Variants in PCDHA3 observed in about 807,000 individuals in gnomAD.
The protein encoded by PCDHA3 is protocadherin alpha 3.
PCDHA3 carries 41 observed loss-of-function variants against 62.2 expected under a neutral mutation model. The ratio of observed to expected loss-of-function variants is 0.66; its 90% CI spans 0.51 to 0.86. PCDHA3 has a LOEUF of 0.86. PCDHA3 is among the 40% of genes least tolerant of loss of function. The pLI is 0.00. For synonymous variants in PCDHA3, 640 were observed against 555.4 expected (o/e 1.15, Z -2.14); for missense variants, 1,304 against 1,241.2 (o/e 1.05, Z -0.76).
chr5:140,882,990 A>C, intron 1 of PCDHA3: 1 of 1,614,130 alleles, frequency 6.2e-7, no homozygotes, highest in East Asian at 2.2e-5. Context: ...AACGCCCCGG[A>C]ATTTTACCAA....
intron 1 of PCDHA3, chr5:140,821,694 T>C: frequency 7.1e-7 from 1 of 1,400,444 alleles, no homozygotes; most frequent in Non-Finnish European, 9.7e-7. Flanking sequence ...ATATAAAAAA[T>C]ATATAGTTAA....
intron 1 of PCDHA3, chr5:140,829,046 C>T (rs2150162112): frequency 6.2e-7 from 1 of 1,612,900 alleles, no homozygotes; most frequent in Non-Finnish European, 8.5e-7. Context: ...ATACAAAATC[C>T]TCATTGACGC....
rs1290805371 is a variant in PCDHA3, at chr5:140,801,260, C to T, written c.63C>T (p.Leu21=). The T allele has an allele frequency of 1.2e-6, 2 of 1,613,632 alleles. No individual in the cohort carries two copies. Among genetic ancestry groups the T allele is most frequent in the African/African-American group, 2.7e-5 (2 of 74,936 alleles). Residue 21 remains leucine (L), a synonymous_variant, in exon 1 of 4, where the codon CTC becomes CTT. Transcript: ENST00000522353. ...AQCLLLSLLL[L]AASEVGSGQL... ...GCCTGCTGCTTTCTCTTCTGCTCCTCGCAGCCTCGGAGGTGGGGAGCGGCC... is the reference window on the plus strand; with the variant it reads ...GCCTGCTGCTTTCTCTTCTGCTCCTTGCAGCCTCGGAGGTGGGGAGCGGCC...
chr5:140,828,828 A>G (rs2150159417), intron 1 of PCDHA3: 3 of 1,614,222 alleles, frequency 1.9e-6, no homozygotes, highest in Non-Finnish European at 1.7e-6. Context: ...GAACAGTCTG[A>G]ATACGAAGTA....
intron 1 of PCDHA3, among the ~76,000 whole-genome samples, chr5:140,874,847 A>AT (rs1459176801): frequency 6.6e-6 from 1 of 152,242 alleles, no homozygotes; most frequent in Non-Finnish European, 1.5e-5. Context: ...TATTAGACAT[A>AT]TTTTAGTTTC....
In PCDHA3 at chr5:140,809,555, G is replaced by C. The variant is rs781870287; in HGVS notation, c.2394+5964G>C. ...CAGAGAAGATCAGCTGCAGACAACT[G>C]AGGAATCCTTTGCAAAGGTTAGTGT... On this transcript the variant is annotated intron_variant, in intron 1 of 3. Coordinates refer to ENST00000522353, the MANE Select transcript of PCDHA3 (RefSeq NM_018906.3). 21 of 1,610,628 alleles carry C rather than the reference G, an allele frequency of 1.3e-5. 1 individual carries two copies. In the South Asian group the frequency reaches 2.3e-4, roughly 18 times the overall value.
intron 1 of PCDHA3, chr5:140,870,682 C>G: frequency 6.2e-7 from 1 of 1,612,762 alleles, no homozygotes; most frequent in South Asian, 1.1e-5. Flanking sequence ...CCACGAGGAG[C>G]TGGAGCTGCT....
intron 3 of PCDHA3, among the ~76,000 whole-genome samples, chr5:140,988,245 G>C (rs17286877): frequency 0.027 from 4,184 of 152,286 alleles, 88 homozygotes; most frequent in Non-Finnish European, 0.043. Flanking sequence ...GAGTGGGGCA[G>C]CTCCCGCCTG....
At chr5:140,827,906 A>G in intron 1 of PCDHA3, 1 of 808,566 alleles carries the variant, frequency 1.2e-6, no homozygotes, top group South Asian at 1.8e-5. Context: ...TTGGAGCCGC[A>G]TGATGTCGCT....
At chr5:140,946,575 G>A (rs1554217641) in intron 1 of PCDHA3, among the ~76,000 whole-genome samples, 3 of 140,788 alleles carry the variant, frequency 2.1e-5, no homozygotes, top group Non-Finnish European at 4.6e-5. Flanking sequence ...ATCAACTTAG[G>A]TGTTCATAGT....
chr5:140,843,061 G>A lies in PCDHA3; in HGVS notation c.2394+39470G>A, dbSNP rs113750272. ...GCACTGGTGGCGCAGCGAGCAAGCT[G>A]GTGCCGCGGTCTGTGGGCGCGGGCC... On this transcript the variant is annotated intron_variant, in intron 1 of 3. Coordinates refer to ENST00000522353, the MANE Select transcript of PCDHA3 (RefSeq NM_018906.3). 2.1e-3 allele frequency: 3,330 copies of A among 1,595,224 alleles called. 278 individuals are homozygous for A. In the African/African-American group the frequency reaches 0.039, roughly 19 times the overall value.
In PCDHA3 at chr5:140,803,112, G is replaced by C; in HGVS notation, c.1915G>C (p.Glu639Gln). Reference protein sequence around the residue: ...GEISTTRALDEVDAPRHRLLV... With the variant: ...GEISTTRALDQVDAPRHRLLV... ...GATCAGCACGACCCGTGCCCTGGAC[G>C]AGGTGGACGCCCCGCGCCATCGCCT... The change falls in exon 1 of 4, where the codon GAG becomes CAG. Residue 639 changes from glutamate (E) to glutamine (Q), a missense_variant. Transcript: ENST00000522353. The C allele has an allele frequency of 6.2e-7, 1 of 1,613,822 alleles. No homozygotes were observed. Among genetic ancestry groups the C allele is most frequent in the Non-Finnish European group, 8.5e-7 (1 of 1,179,934 alleles).
intron 1 of PCDHA3, among the ~76,000 whole-genome samples, chr5:140,943,705 C>T (rs528361276): frequency 1.6e-4 from 25 of 152,150 alleles, no homozygotes; most frequent in Middle Eastern, 3.4e-3. Context: ...TATTGTGGAA[C>T]ACATTTAAAG....
intron 1 of PCDHA3, chr5:140,809,922 T>G: frequency 5.8e-6 from 1 of 173,216 alleles, no homozygotes; most frequent in Non-Finnish European, 1.2e-5. Context: ...ATAATAAAGC[T>G]CCATAAATTG....
At position 141,009,849 on chromosome 5, in the gene PCDHA3, C is replaced by T. The variant is rs782348993; in HGVS notation, c.2765C>T (p.Thr922Ile). 54 of 1,613,364 alleles carry T rather than the reference C, an allele frequency of 3.3e-5. No individual in the cohort carries two copies. The South Asian group carries it at 5.8e-4, about 17-fold the overall frequency. ...DFITFGKKEETKKKKKKKKGN... is the reference protein window; with the variant it reads ...DFITFGKKEEIKKKKKKKKGN... ...ATAACCTTCGGCAAAAAGGAGGAGA[C>T]CAAGAAAAAGAAGAAAAAGAAGAAG... Residue 922 changes from threonine to isoleucine, a missense_variant, in exon 4 of 4, where the codon ACC becomes ATC. Transcript: ENST00000522353.
Position 140,839,190 on chromosome 5 carries a change from A to G in PCDHA3, c.2394+35599A>G, listed in dbSNP as rs185787528. Among the ~76,000 whole-genome samples, 211 of 138,022 alleles carry G rather than the reference A, an allele frequency of 1.5e-3. 1 individual carries two copies. The highest frequency in any genetic ancestry group is 4.2e-3 in the Admixed American group (57 of 13,704). The allele number at this position is 138,022 out of a possible 152,430, so 90.5% of individuals were successfully genotyped here. A position where few individuals can be genotyped will look rare whatever the true frequency, so the allele number is the denominator to read the frequency against. ...GATATTCAGTTTTGTGGAAAAATCTATAAATATCTTTGACCTTCAAAGATG... is the reference window on the plus strand; with the variant it reads ...GATATTCAGTTTTGTGGAAAAATCTGTAAATATCTTTGACCTTCAAAGATG... On this transcript the variant is annotated intron_variant, in intron 1 of 3. Transcript: ENST00000522353.
chr5:140,808,815 C>A (rs782363831), intron 1 of PCDHA3: 5 of 1,612,850 alleles, frequency 3.1e-6, no homozygotes, highest in Middle Eastern at 1.8e-4. Context: ...GCCGGCGTGC[C>A]ACCTCTGGGC....
At position 141,009,870 on chromosome 5, in the gene PCDHA3, A is replaced by G. The variant is rs1554262513; in HGVS notation, c.2786A>G (p.Lys929Arg). 1.9e-6 allele frequency: 3 copies of G among 1,614,114 alleles called. No homozygotes were observed. Among genetic ancestry groups the G allele is most frequent in the South Asian group, 2.2e-5 (2 of 91,074 alleles). ...GAGACCAAGAAAAAGAAGAAAAAGA[A>G]GAAGGGTAACAAGACCCAGGAGAAA... ...KEETKKKKKK[K>R]KGNKTQEKKE... The change falls in exon 4 of 4, where the codon AAG (lysine) becomes AGG (arginine). Residue 929 changes from lysine to arginine, a missense_variant. Physicochemically the swap from Lys to Arg is conservative, Grantham distance 26. Coordinates refer to ENST00000522353, the MANE Select transcript of PCDHA3 (RefSeq NM_018906.3).
Position 140,877,703 on chromosome 5 carries a change from C to T in PCDHA3, c.2394+74112C>T, listed in dbSNP as rs781946062. On this transcript the variant is annotated intron_variant, in intron 1 of 3. Coordinates refer to ENST00000522353, the MANE Select transcript of PCDHA3 (RefSeq NM_018906.3). ...AAGCCCACGCTGGTGTGCTCCAGCG[C>T]CGTGGGGAGTTGGTCTTACTCGCAG... 4 of 1,613,986 alleles carry T rather than the reference C, an allele frequency of 2.5e-6. No individual in the cohort carries two copies. In the East Asian group the frequency reaches 8.9e-5, roughly 36 times the overall value.
Sources: allele counts gnomAD v4.1 joint callset (sites outside exome capture counted in the v4.1 genomes callset), GRCh38; gene constraint gnomAD v4.1.1; transcripts MANE v1.5; gene names NCBI Gene and HGNC (gene_info 2026-07-23, HGNC 2026-07-21).